Variants in OGG1 observed in about 807,000 individuals in gnomAD.
The protein encoded by OGG1 is 8-oxoguanine DNA glycosylase, also known as N-glycosylase/DNA lyase.
In OGG1, 35 loss-of-function variants were observed where a neutral mutation model predicts 42.3. The observed-to-expected ratio is 0.83, with a 90% CI of 0.63 to 1.10. The LOEUF (loss-of-function observed/expected upper bound fraction) is 1.10. Ranked by LOEUF, OGG1 falls within the 50% of genes least tolerant of loss-of-function variation. OGG1 has a pLI of 0.00. For missense variants in OGG1, 484 were observed against 446.7 expected (o/e 1.08, Z -0.75); for synonymous variants, 189 against 179.0 (o/e 1.06, Z -0.44).
In OGG1 at chr3:9,754,798, C is replaced by A. The variant is rs778036721; in HGVS notation, c.660C>A (p.Gly220=). The A allele has an allele frequency of 1.2e-6, 2 of 1,613,596 alleles. No individual in the cohort carries two copies. The highest frequency in any genetic ancestry group is 1.7e-5 in the Admixed American group (1 of 59,954). The change falls in exon 4 of 7, where the codon GGC becomes GGA. Residue 220 remains glycine (G), a synonymous_variant. Coordinates refer to ENST00000344629, the MANE Select transcript of OGG1 (RefSeq NM_002542.6). ...CCCGAGCCATCCTGGAAGAACAGGG[C>A]GGGCTAGCCTGGCTGCAGCAGCTAC... ...ASARAILEEQ[G]GLAWLQQLRE...
intron 3 of OGG1, chr3:9,786,994 T>A: frequency 6.2e-7 from 1 of 1,611,386 alleles, no homozygotes; most frequent in South Asian, 1.1e-5. Flanking sequence ...TCTTTTGGGT[T>A]AGGCTGCTCA....
chr3:9,765,894 T>G (rs752166491), exon 8 of OGG1: 17 of 1,613,776 alleles, frequency 1.1e-5, no homozygotes, highest in Non-Finnish European at 1.4e-5. Flanking sequence ...GGCCCCCCTA[T>G]CGGGAGAGGG....
chr3:9,754,903 A>T lies in OGG1; in HGVS notation c.747+18A>T. 1 of 1,567,868 alleles carries T rather than the reference A, an allele frequency of 6.4e-7. No homozygotes were observed. The highest frequency in any genetic ancestry group is 8.7e-7 in the Non-Finnish European group (1 of 1,154,808). ...GCACCAAGGTGAGGCCCCAGGGGGTAGGAGCTGCCCTCTCTACTGACACTA... is the reference window on the plus strand; with the variant it reads ...GCACCAAGGTGAGGCCCCAGGGGGTTGGAGCTGCCCTCTCTACTGACACTA... On this transcript the variant is annotated intron_variant, in intron 4 of 6. Coordinates refer to ENST00000344629, the MANE Select transcript of OGG1 (RefSeq NM_002542.6).
downstream of OGG1, chr3:9,789,785 T>C (rs753436936): frequency 1.7e-5 from 28 of 1,614,146 alleles, no homozygotes; most frequent in Non-Finnish European, 2.4e-5. Context: ...TTCCTGGATC[T>C]TGGGCTGAAG....
chr3:9,751,358 G>C (rs1221046401), intron 2 of OGG1, among the ~76,000 whole-genome samples, 166 bp downstream of exon 2: 1 of 152,196 alleles, frequency 6.6e-6, no homozygotes, highest in Non-Finnish European at 1.5e-5. Flanking sequence ...CAGGCACATA[G>C]TAAGTATTAT....
intron 2 of OGG1, among the ~76,000 whole-genome samples, chr3:9,773,872 T>C (rs2078333165): frequency 1.3e-5 from 2 of 152,060 alleles, no homozygotes; most frequent in South Asian, 2.1e-4. Context: ...TTTTTTAGTT[T>C]TTTATTTTTT....
intron 3 of OGG1, among the ~76,000 whole-genome samples, chr3:9,752,694 C>T (rs1656721948): frequency 6.6e-6 from 1 of 152,200 alleles, no homozygotes; most frequent in African/African-American, 2.4e-5. Flanking sequence ...AGGACAAGTG[C>T]TTGGGAACTG....
intron 3 of OGG1, among the ~76,000 whole-genome samples, chr3:9,781,833 C>CTTT (rs35246642): frequency 0.011 from 938 of 86,822 alleles, 1 homozygote; most frequent in Non-Finnish European, 0.014. Context: ...CCCATTACTT[C>CTTT]TTTTTTTTTT....
intron 3 of OGG1, among the ~76,000 whole-genome samples, chr3:9,786,304 A>G (rs1023306485): frequency 1.2e-4 from 18 of 152,148 alleles, no homozygotes; most frequent in African/African-American, 4.3e-4. Flanking sequence ...GCAGACTGCA[A>G]GGCCACCGTC....
chr3:9,780,291 A>G (rs1171478351), intron 2 of OGG1: 2 of 1,507,198 alleles, frequency 1.3e-6, no homozygotes, highest in South Asian at 1.2e-5. Context: ...CCTGTGCCCA[A>G]AGAAGGAAGT....
At chr3:9,765,419 A>G (rs986143548) in intron 7 of OGG1, among the ~76,000 whole-genome samples, 5 of 152,074 alleles carry the variant, frequency 3.3e-5, no homozygotes, top group Non-Finnish European at 5.9e-5. Flanking sequence ...TGGTTTTAAT[A>G]TGTGAGGGGA....
chr3:9,765,719 A>AG (rs773657807), intron 7 of OGG1: 52 of 1,608,518 alleles, frequency 3.2e-5, no homozygotes, highest in Non-Finnish European at 4.1e-5. Context: ...GGGCCAAGGC[A>AG]GGGTCAGCTT....
At chr3:9,789,191 AAG>A (rs1490645786), downstream of OGG1, among the ~76,000 whole-genome samples, 2 of 152,192 alleles carry the variant, frequency 1.3e-5, no homozygotes, top group Non-Finnish European at 2.9e-5. Context: ...TCGAAACAGG[AAG>A]AGAGTTAAGA....
chr3:9,759,805 TC>T (rs773488759), downstream of OGG1: 62 of 1,613,436 alleles, frequency 3.8e-5, no homozygotes, highest in Non-Finnish European at 5.2e-5. Context: ...GCCTGTGTAC[TC>T]CCCAAGAGCA....
chr3:9,786,007 C>T (rs293785), intron 3 of OGG1, among the ~76,000 whole-genome samples: 27,972 of 151,458 alleles, frequency 0.18, 2,930 homozygotes, highest in African/African-American at 0.26. Flanking sequence ...GGCACAATTT[C>T]GGCTTACTGC....
intron 3 of OGG1, chr3:9,787,176 T>TG: frequency 6.2e-7 from 1 of 1,614,194 alleles, no homozygotes; most frequent in African/African-American, 1.3e-5. Context: ...GACCTGGGGT[T>TG]GGCAGGGAGG....
downstream of OGG1, chr3:9,761,814 AC>A: frequency 6.3e-7 from 1 of 1,597,602 alleles, no homozygotes; most frequent in East Asian, 2.2e-5. Context: ...GGCTGGTAGA[AC>A]CTTCTGCCGC....
At chr3:9,750,561 C>A in intron 1 of OGG1, 138 bp downstream of exon 1, 1 of 1,191,950 alleles carries the variant, frequency 8.4e-7, no homozygotes, top group Non-Finnish European at 1.2e-6. Flanking sequence ...GCACGGGTAG[C>A]CAACCTGTTA....
intron 2 of OGG1, among the ~76,000 whole-genome samples, chr3:9,775,928 C>T (rs1308410171): frequency 6.6e-6 from 1 of 152,202 alleles, no homozygotes; most frequent in African/African-American, 2.4e-5. Flanking sequence ...GTGTGAGCCA[C>T]GGCGCCTGAC....
Sources: gnomAD v4.1 joint callset for allele counts (sites outside exome capture counted in the v4.1 genomes callset) on GRCh38, gnomAD v4.1.1 for gene constraint, MANE v1.5 for transcripts, NCBI Gene and HGNC (gene_info 2026-07-23, HGNC 2026-07-21) for gene names.